DIP2C: variants seen among roughly 807,000 people sequenced by gnomAD.
The protein encoded by DIP2C is disco-interacting protein 2 homolog C.
Under a neutral mutation model 192.4 loss-of-function variants are expected in DIP2C, and 33 were observed. The observed-to-expected ratio is 0.17, with a 90% CI of 0.13 to 0.23. The LOEUF (loss-of-function observed/expected upper bound fraction) is 0.23, where lower values mean the gene tolerates loss of function less well. Among genes scored for constraint, DIP2C ranks in the 10% least tolerant of loss-of-function variants. The pLI is 1.00. For synonymous variants in DIP2C, 979 were observed against 864.1 expected (o/e 1.13, Z -2.33); for missense variants, 1,537 against 2,110.1 (o/e 0.73, Z 5.32).
chr10:689,595 GC>G lies in DIP2C; in HGVS notation c.-18del. On this transcript the variant is annotated 5_prime_UTR_variant, in exon 1 of 37. Transcript: ENST00000280886. The surrounding 1 kb of genome is among the most constrained non-coding windows in gnomAD (Gnocchi z 6.1). ...GTCCGCCATGCTCCGCGGGCGCCGC[GC>G]CCCGCACGGCCTCCTCTTTGTTCGC... 8.8e-7 allele frequency: 1 copy of G among 1,133,932 alleles called. No individual in the cohort carries two copies. The highest frequency in any genetic ancestry group is 5.1e-5 in the East Asian group (1 of 19,536). The allele number at this position is 1,133,932 out of a possible 1,614,324, so 70.2% of individuals were successfully genotyped here.
intron 32 of DIP2C, among the ~76,000 whole-genome samples, chr10:303,066 A>G (rs1228603512): frequency 6.6e-6 from 1 of 152,200 alleles, no homozygotes; most frequent in Admixed American, 6.5e-5. Flanking sequence ...GTAGATTTGT[A>G]AACACCGTAC....
intron 1 of DIP2C, among the ~76,000 whole-genome samples, chr10:501,403 G>T (rs965925085): frequency 1.3e-5 from 2 of 152,094 alleles, no homozygotes; most frequent in Admixed American, 6.5e-5. Flanking sequence ...AACTTGTTAA[G>T]ATCTCTGCTT....
chr10:292,908 A>T (rs1955564491), intron 32 of DIP2C, among the ~76,000 whole-genome samples: 1 of 152,160 alleles, frequency 6.6e-6, no homozygotes, highest in South Asian at 2.1e-4. Flanking sequence ...TCTGCCTAGG[A>T]CCACCACCCC....
At chr10:281,792 A>G (rs921093196) in intron 35 of DIP2C, among the ~76,000 whole-genome samples, 1 of 152,226 alleles carries the variant, frequency 6.6e-6, no homozygotes, top group East Asian at 1.9e-4. Flanking sequence ...AATTCTGTGT[A>G]TAAGTGGGAA....
intron 1 of DIP2C, among the ~76,000 whole-genome samples, chr10:658,957 A>C (rs959750173): frequency 6.6e-6 from 1 of 152,166 alleles, no homozygotes; most frequent in African/African-American, 2.4e-5. Context: ...GCACAGACAC[A>C]TATCTCACAC....
chr10:475,176 G>A (rs1407305617), intron 2 of DIP2C, among the ~76,000 whole-genome samples: 1 of 152,192 alleles, frequency 6.6e-6, no homozygotes, highest in Non-Finnish European at 1.5e-5. Flanking sequence ...CTGGGAGGAG[G>A]AGGAAAAGCG....
intron 1 of DIP2C, among the ~76,000 whole-genome samples, chr10:501,173 T>C (rs1269191894): frequency 6.6e-6 from 1 of 152,214 alleles, no homozygotes; most frequent in Non-Finnish European, 1.5e-5. Flanking sequence ...AAAGCAGAGA[T>C]GATTCCTGGT....
At chr10:371,307 C>T in intron 17 of DIP2C, among the ~76,000 whole-genome samples, 1 of 152,164 alleles carries the variant, frequency 6.6e-6, no homozygotes, top group East Asian at 1.9e-4. Flanking sequence ...AAAGATCACC[C>T]CTTGTATCTG....
intron 1 of DIP2C, among the ~76,000 whole-genome samples, chr10:580,493 G>A (rs1850560159): frequency 6.6e-6 from 1 of 152,118 alleles, no homozygotes; most frequent in African/African-American, 2.4e-5. Flanking sequence ...TCCAAATAGT[G>A]TGGATATAAT....
rs555910921 is a variant in DIP2C, at chr10:500,014, T to C, written c.86-13484A>G. On this transcript the variant is annotated intron_variant, in intron 1 of 36. Coordinates refer to ENST00000280886, the MANE Select transcript of DIP2C (RefSeq NM_014974.3). ...AGCCCAGCTCTTGCTCGGGTGGATT[T>C]TGAAGGCAGACAGGGCCACTGAGAG... is the stretch of plus-strand genomic sequence containing the variant. Among the ~76,000 whole-genome samples, 56 of 152,330 alleles carry C rather than the reference T, an allele frequency of 3.7e-4. No individual in the cohort carries two copies. In the Middle Eastern group the frequency reaches 0.014, roughly 37 times the overall value.
intron 1 of DIP2C, among the ~76,000 whole-genome samples, chr10:583,504 T>C (rs921771094): frequency 1.3e-5 from 2 of 152,226 alleles, no homozygotes; most frequent in African/African-American, 2.4e-5. Context: ...TCAGTATCGA[T>C]ATAACTTTGT....
intron 1 of DIP2C, among the ~76,000 whole-genome samples, chr10:641,284 G>A (rs568448075): frequency 1.8e-4 from 28 of 152,244 alleles, no homozygotes; most frequent in Admixed American, 5.2e-4. Context: ...GGGCCAGCAC[G>A]GACGCCAGCC....
intron 4 of DIP2C, among the ~76,000 whole-genome samples, chr10:436,282 G>GGATC (rs1967190656): frequency 6.6e-6 from 1 of 152,238 alleles, no homozygotes; most frequent in Admixed American, 6.5e-5. Context: ...GTAACGTGTT[G>GGATC]AGCACGCTCA....
chr10:440,342 C>T (rs1967628734), intron 4 of DIP2C, among the ~76,000 whole-genome samples: 3 of 152,238 alleles, frequency 2.0e-5, no homozygotes, highest in Admixed American at 6.5e-5. Flanking sequence ...CTTTCACACT[C>T]CAAGGGCAGA....
At chr10:407,234 T>G (rs1964870764) in intron 9 of DIP2C, among the ~76,000 whole-genome samples, 1 of 152,192 alleles carries the variant, frequency 6.6e-6, no homozygotes, top group South Asian at 2.1e-4. Flanking sequence ...ACGCAATACC[T>G]GTTTTGTGTC....
chr10:340,617 G>C, intron 29 of DIP2C: 2 of 375,486 alleles, frequency 5.3e-6, no homozygotes, highest in Non-Finnish European at 1.1e-5. Flanking sequence ...CAATGAACAT[G>C]TATGTATAAT....
At chr10:562,511 A>T (rs1564202433) in intron 1 of DIP2C, among the ~76,000 whole-genome samples, 1 of 152,256 alleles carries the variant, frequency 6.6e-6, no homozygotes, top group Admixed American at 6.5e-5. Flanking sequence ...GAAATAGACG[A>T]AATTCCAATT....
chr10:439,301 CAA>C (rs1967528791), intron 4 of DIP2C, among the ~76,000 whole-genome samples: 7 of 134,852 alleles, frequency 5.2e-5, no homozygotes, highest in African/African-American at 2.6e-4. Context: ...ACTCCCTTGC[CAA>C]CAACCTTGCT....
At chr10:554,017 G>GA (rs2130958289) in intron 1 of DIP2C, among the ~76,000 whole-genome samples, 1 of 151,466 alleles carries the variant, frequency 6.6e-6, no homozygotes, top group South Asian at 2.1e-4. Context: ...TACCTCATAG[G>GA]AAAAAACGTA....
Sources: allele counts gnomAD v4.1 joint callset (sites outside exome capture counted in the v4.1 genomes callset), GRCh38; gene constraint gnomAD v4.1.1; non-coding constraint Gnocchi (gnomAD v3.1); transcripts MANE v1.5; gene names NCBI Gene and HGNC (gene_info 2026-07-23, HGNC 2026-07-21).